The following SMG6 variants were observed in gnomAD, a reference collection of about 807,000 sequenced individuals.
The protein encoded by SMG6 is SMG6 nonsense mediated mRNA decay factor.
Under a neutral mutation model 142.2 loss-of-function variants are expected in SMG6, and 66 were observed. That is an observed-to-expected ratio of 0.46 (90% CI 0.38 to 0.57). SMG6 has a LOEUF of 0.57. Among genes scored for constraint, SMG6 ranks in the 20% least tolerant of loss-of-function variants. SMG6 has a pLI of 0.00. For missense variants in SMG6, 1,793 were observed against 1,832.0 expected (o/e 0.98, Z 0.39); for synonymous variants, 779 against 702.4 (o/e 1.11, Z -1.72).
At chr17:2,096,265 G>A (rs1304706207) in intron 13 of SMG6, among the ~76,000 whole-genome samples, 10 of 152,150 alleles carry the variant, frequency 6.6e-5, no homozygotes, top group African/African-American at 2.2e-4. Flanking sequence ...GTGCAGTGGC[G>A]CGATCTCGGC....
At chr17:2,061,690 CCCTGGAGAATGTGGT>C in intron 18 of SMG6, 68 bp from the exon 19 acceptor site, 1 of 1,514,604 alleles carries the variant, frequency 6.6e-7, no homozygotes, top group Non-Finnish European at 8.9e-7. Context: ...GCTCTTCTCA[CCCTGGAGAATGTGGT>C]CCTGGGGAGG....
At chr17:2,284,341 T>C (rs532163561) in intron 6 of SMG6, among the ~76,000 whole-genome samples, 45 of 152,170 alleles carry the variant, frequency 3.0e-4, no homozygotes, top group Non-Finnish European at 5.6e-4. Flanking sequence ...GATGTTGCCA[T>C]TGTTATTGAT....
intron 13 of SMG6, chr17:2,094,971 T>C (rs1432337779): frequency 1.3e-5 from 2 of 152,218 alleles, no homozygotes; most frequent in East Asian, 1.9e-4. Flanking sequence ...GAGAGCAAGC[T>C]ATAGGCAGCA....
At chr17:2,213,051 G>A (rs986564951) in intron 10 of SMG6, among the ~76,000 whole-genome samples, 1 of 152,186 alleles carries the variant, frequency 6.6e-6, no homozygotes, top group East Asian at 1.9e-4. Flanking sequence ...GGATACTTCC[G>A]AGAGTGAAGG....
At chr17:2,222,218 T>C (rs2073190288) in intron 10 of SMG6, among the ~76,000 whole-genome samples, 2 of 152,042 alleles carry the variant, frequency 1.3e-5, no homozygotes, top group Non-Finnish European at 2.9e-5. Flanking sequence ...ATATACACAT[T>C]AATTATCTAG....
chr17:2,063,769 A>G (rs1288892502), intron 18 of SMG6, among the ~76,000 whole-genome samples: 1 of 152,096 alleles, frequency 6.6e-6, no homozygotes, highest in Non-Finnish European at 1.5e-5. Context: ...TGGTGGCGAG[A>G]GAAGACGACA....
intron 13 of SMG6, among the ~76,000 whole-genome samples, chr17:2,132,870 C>A (rs1367959934): frequency 6.6e-6 from 1 of 152,180 alleles, no homozygotes; most frequent in African/African-American, 2.4e-5. Flanking sequence ...GCAGCCTCGA[C>A]CTCCCAGGCT....
intron 13 of SMG6, among the ~76,000 whole-genome samples, chr17:2,095,597 C>T (rs2068835064): frequency 1.3e-5 from 2 of 152,058 alleles, no homozygotes; most frequent in African/African-American, 4.8e-5. Context: ...ACATTCATAC[C>T]AGATACATCA....
At chr17:2,235,954 T>C (rs1000883696) in intron 10 of SMG6, 1 of 152,204 alleles carries the variant, frequency 6.6e-6, no homozygotes, top group Admixed American at 6.5e-5. Flanking sequence ...AGCTAAATTC[T>C]GGGACTGGTG....
At chr17:2,167,449 G>A (rs768554696) in intron 13 of SMG6, among the ~76,000 whole-genome samples, 20 of 152,190 alleles carry the variant, frequency 1.3e-4, no homozygotes, top group Non-Finnish European at 2.4e-4. Flanking sequence ...AGAACAAAGA[G>A]AGTATTTGCA....
chr17:2,106,641 TGA>T (rs2069163885), intron 13 of SMG6, among the ~76,000 whole-genome samples: 1 of 152,018 alleles, frequency 6.6e-6, no homozygotes, highest in Non-Finnish European at 1.5e-5. Context: ...CAGCCGATTA[TGA>T]GAGAGGGAAG....
At chr17:2,136,196 G>C (rs1237272540) in intron 13 of SMG6, among the ~76,000 whole-genome samples, 1 of 151,888 alleles carries the variant, frequency 6.6e-6, no homozygotes, top group Non-Finnish European at 1.5e-5. Flanking sequence ...TGAGTAGCTG[G>C]GATTACAGGC....
At chr17:2,252,753 G>A (rs749316337) in intron 8 of SMG6, among the ~76,000 whole-genome samples, 13 of 152,136 alleles carry the variant, frequency 8.5e-5, no homozygotes, top group South Asian at 2.1e-4. Flanking sequence ...GGGGCACTTC[G>A]AATCAACATT....
intron 8 of SMG6, among the ~76,000 whole-genome samples, chr17:2,261,989 A>T (rs762301083): frequency 1.7e-4 from 26 of 152,368 alleles, no homozygotes; most frequent in Middle Eastern, 3.4e-3. Flanking sequence ...TGCTTGACAA[A>T]TTAGGACCTA....
At chr17:2,133,573 G>A (rs755740549) in intron 13 of SMG6, among the ~76,000 whole-genome samples, 3 of 152,162 alleles carry the variant, frequency 2.0e-5, no homozygotes, top group Non-Finnish European at 4.4e-5. Flanking sequence ...GTCTCAATAT[G>A]TCACCCAGGG....
chr17:2,303,191 G>A, intron 1 of SMG6: 6 of 985,458 alleles, frequency 6.1e-6, no homozygotes, highest in South Asian at 4.7e-5. Context: ...GAAGTCGCAG[G>A]CTCTTAAACC....
intron 9 of SMG6, chr17:2,237,566 C>T (rs2073698604): frequency 1.4e-5 from 14 of 985,460 alleles, no homozygotes; most frequent in Non-Finnish European, 1.7e-5. Context: ...AGGCTCTGCT[C>T]ATCGGGGTCT....
chr17:2,280,899 G>A (rs1289091519), intron 8 of SMG6, among the ~76,000 whole-genome samples: 1 of 152,100 alleles, frequency 6.6e-6, no homozygotes, highest in African/African-American at 2.4e-5. Context: ...GCGCAACAGG[G>A]CAAGTCTCCA....
chr17:2,136,875 A>G (rs1284065469), intron 13 of SMG6, among the ~76,000 whole-genome samples: 1 of 152,096 alleles, frequency 6.6e-6, no homozygotes, highest in African/African-American at 2.4e-5. Context: ...AGATCAAATT[A>G]AGGTCAGGCA....
Sources: allele counts gnomAD v4.1 joint callset (sites outside exome capture counted in the v4.1 genomes callset), GRCh38; gene constraint gnomAD v4.1.1; transcripts MANE v1.5; gene names NCBI Gene and HGNC (gene_info 2026-07-23, HGNC 2026-07-21).